RGS10: variants seen among roughly 807,000 people sequenced by gnomAD.
The protein encoded by RGS10 is regulator of G-protein signalling 10.
A neutral mutation model predicts 23.5 loss-of-function variants in RGS10; 11 were observed. That is an observed-to-expected ratio of 0.47 (90% confidence interval 0.29 to 0.77). The LOEUF (loss-of-function observed/expected upper bound fraction) is 0.77. Ranked by LOEUF, RGS10 falls within the 30% of genes least tolerant of loss-of-function variation. RGS10 has a pLI of 0.08. For missense variants in RGS10, 180 were observed against 226.3 expected (o/e 0.80, Z 1.31); for synonymous variants, 77 against 83.2 (o/e 0.92, Z 0.41).
intron 4 of RGS10, among the ~76,000 whole-genome samples, chr10:119,506,777 C>T (rs969188256): frequency 6.6e-6 from 1 of 152,124 alleles, no homozygotes; most frequent in African/African-American, 2.4e-5. Context: ...CTCAGCTCAC[C>T]GCAACCTCCA....
intron 1 of RGS10, among the ~76,000 whole-genome samples, chr10:119,528,927 A>G (rs1020604235): frequency 1.3e-5 from 2 of 152,162 alleles, no homozygotes; most frequent in African/African-American, 4.8e-5. Flanking sequence ...ATTTTGGTGC[A>G]CAGAGAAAAT....
chr10:119,539,909 G>T (rs1272466099), intron 1 of RGS10, among the ~76,000 whole-genome samples: 1 of 150,790 alleles, frequency 6.6e-6, no homozygotes, highest in Non-Finnish European at 1.5e-5. Flanking sequence ...TGTGGAGCCT[G>T]AAGTTTATAC....
At chr10:119,501,148 C>T (rs1449570739) in intron 4 of RGS10, among the ~76,000 whole-genome samples, 2 of 152,194 alleles carry the variant, frequency 1.3e-5, no homozygotes, top group Non-Finnish European at 2.9e-5. Flanking sequence ...AGGAAAGGGG[C>T]AGAGAAAGAG....
At chr10:119,504,293 G>A (rs7910764) in intron 4 of RGS10, among the ~76,000 whole-genome samples, 131,205 of 152,182 alleles carry the variant, frequency 0.86, 57,047 homozygotes, top group Non-Finnish European at 0.9. Context: ...GGGTTCAAGC[G>A]ATTCTCCTGC....
Position 119,499,978 on chromosome 10 carries a change from A to T in RGS10, c.*135T>A. ...TGCAAAATTTACTGGTGAAGCAGTT[A>T]ATAAAACACACATCCCATTGAAGGG... is the stretch of plus-strand genomic sequence containing the variant. On this transcript the variant is annotated 3_prime_UTR_variant, in exon 5 of 5. Coordinates refer to ENST00000369103, the MANE Select transcript of RGS10 (RefSeq NM_001005339.2). 1.3e-6 allele frequency: 1 copy of T among 782,520 alleles called. No homozygotes were observed. The highest frequency in any genetic ancestry group is 1.8e-5 in the African/African-American group (1 of 56,918). 48.5% of individuals were successfully genotyped at this position (782,520 alleles called of 1,614,324 possible).
At chr10:119,503,447 C>T (rs923480182) in intron 4 of RGS10, among the ~76,000 whole-genome samples, 1 of 152,122 alleles carries the variant, frequency 6.6e-6, no homozygotes, top group Non-Finnish European at 1.5e-5. Context: ...GGGAAAAGAG[C>T]TGTGACTGGG....
chr10:119,519,218 C>T (rs1393367054), intron 3 of RGS10, among the ~76,000 whole-genome samples: 4 of 152,176 alleles, frequency 2.6e-5, no homozygotes, highest in Non-Finnish European at 5.9e-5. Context: ...CTTCTCTTCC[C>T]GCTTCCCTCA....
At chr10:119,511,268 G>A (rs1456804298) in intron 4 of RGS10, among the ~76,000 whole-genome samples, 6 of 152,066 alleles carry the variant, frequency 3.9e-5, no homozygotes, top group East Asian at 1.9e-4. Flanking sequence ...GAACCATCTC[G>A]CCACTTACAT....
rs1027870757 is a variant in RGS10 at position 119,527,471 on chromosome 10, A to G, written c.50-47T>C. 2 of 1,430,924 alleles carry G rather than the reference A, an allele frequency of 1.4e-6. No individual in the cohort carries two copies. The highest frequency in any genetic ancestry group is 2.8e-5 in the African/African-American group (2 of 71,408). The allele number at this position is 1,430,924 out of a possible 1,614,324, so 88.6% of individuals were successfully genotyped here. A position where few individuals can be genotyped will look rare whatever the true frequency, so the allele number is the denominator to read the frequency against. On this transcript the variant is annotated intron_variant, in intron 1 of 4. Coordinates refer to ENST00000369103, the MANE Select transcript of RGS10 (RefSeq NM_001005339.2). This position sits in a 1 kb window ranked among gnomAD's most constrained non-coding sequence, Gnocchi z 4.2. Reference sequence around the variant, plus strand: ...GCATATGTGGCCAACAGACACTGTCATTTTAAGAAATCTGCATGCAATGGT... The same window carrying G: ...GCATATGTGGCCAACAGACACTGTCGTTTTAAGAAATCTGCATGCAATGGT...
intron 1 of RGS10, among the ~76,000 whole-genome samples, chr10:119,528,215 G>C (rs1307333502): frequency 2.0e-5 from 3 of 152,032 alleles, no homozygotes; most frequent in Admixed American, 6.6e-5. Flanking sequence ...ATTCTTAATA[G>C]AGACGGGGTT....
chr10:119,542,192 G>A (rs1844440966), intron 1 of RGS10, among the ~76,000 whole-genome samples: 1 of 152,204 alleles, frequency 6.6e-6, no homozygotes, highest in African/African-American at 2.4e-5. Flanking sequence ...CCGGGCGCTC[G>A]GCATCCTTCC....
intron 4 of RGS10, among the ~76,000 whole-genome samples, chr10:119,513,609 G>C (rs1282109547): frequency 6.6e-6 from 1 of 152,074 alleles, no homozygotes; most frequent in African/African-American, 2.4e-5. Context: ...TACTCATAAG[G>C]TCCAGCTCCG....
At chr10:119,514,837 T>C (rs555828717) in intron 4 of RGS10, among the ~76,000 whole-genome samples, 1 of 152,184 alleles carries the variant, frequency 6.6e-6, no homozygotes, top group South Asian at 2.1e-4. Context: ...GTCGATATCC[T>C]CATATGGCTA....
chr10:119,502,692 G>C (rs1843966089), intron 4 of RGS10, among the ~76,000 whole-genome samples: 1 of 152,132 alleles, frequency 6.6e-6, no homozygotes, highest in African/African-American at 2.4e-5. Context: ...AGATCCCAAG[G>C]CTGCCAGCAA....
intron 1 of RGS10, among the ~76,000 whole-genome samples, chr10:119,535,219 C>T (rs1485524456): frequency 7.2e-6 from 1 of 138,412 alleles, no homozygotes; most frequent in Non-Finnish European, 1.5e-5. Context: ...AGACCAAGAA[C>T]AATCACACTT....
At chr10:119,540,314 G>A (rs1021433885) in intron 1 of RGS10, among the ~76,000 whole-genome samples, 4 of 151,978 alleles carry the variant, frequency 2.6e-5, no homozygotes, top group African/African-American at 7.3e-5. Context: ...GCAGTGGCAC[G>A]ATCTAAGCTC....
Position 119,500,273 on chromosome 10 carries a change from G to A in RGS10, c.400-14C>T, listed in dbSNP as rs1564706519. On this transcript the variant is annotated splice_polypyrimidine_tract_variant and intron_variant, in intron 4 of 4. Coordinates refer to ENST00000369103, the MANE Select transcript of RGS10 (RefSeq NM_001005339.2). ...GAGATTAAAGATCTAAGGAGGAAAA[G>A]AAAAAAGAGTCTGAAGGCTGAGGCT... The A allele has an allele frequency of 5.0e-6, 8 of 1,597,760 alleles. No individual in the cohort carries two copies. The Admixed American group carries it at 5.4e-5, about 11-fold the overall frequency.
At chr10:119,519,600 C>T (rs1258338672) in intron 3 of RGS10, among the ~76,000 whole-genome samples, 3 of 105,088 alleles carry the variant, frequency 2.9e-5, no homozygotes, top group African/African-American at 1.2e-4. Flanking sequence ...CCTATCTGTC[C>T]CCCAGCTCCT....
chr10:119,516,673 C>T (rs1044574269), intron 3 of RGS10, among the ~76,000 whole-genome samples: 2 of 152,170 alleles, frequency 1.3e-5, no homozygotes, highest in Non-Finnish European at 1.5e-5. Context: ...AAGCAGGAGC[C>T]GTGAGTAGGT....
Sources: allele counts gnomAD v4.1 joint callset (sites outside exome capture counted in the v4.1 genomes callset), GRCh38; gene constraint gnomAD v4.1.1; non-coding constraint Gnocchi (gnomAD v3.1); transcripts MANE v1.5; gene names NCBI Gene and HGNC (gene_info 2026-07-23, HGNC 2026-07-21).